The following TSLP variants were observed in gnomAD, a reference collection of about 807,000 sequenced individuals.
TSLP encodes the protein thymic stroma-derived lymphopoietin.
In TSLP, 12 loss-of-function variants were observed where a neutral mutation model predicts 12.4. The observed-to-expected ratio is 0.97, with a 90% confidence interval of 0.62 to 1.57. The LOEUF is 1.57. TSLP is among the 40% of genes most tolerant of loss of function. The probability of loss-of-function intolerance (pLI) is 0.00; values close to 1 mark genes in which losing one functional copy is unlikely to be tolerated. For synonymous variants in TSLP, 97 were observed against 69.5 expected (o/e 1.40, Z -1.97); for missense variants, 222 against 189.6 (o/e 1.17, Z -1.00).
Position 111,071,802 on chromosome 5 carries a change from A to G in TSLP, c.-89A>G, listed in dbSNP as rs984184542. The G allele has an allele frequency of 6.7e-7, 1 of 1,486,832 alleles. No individual in the cohort carries two copies. The highest frequency in any genetic ancestry group is 1.9e-5 in the Admixed American group (1 of 51,704). 92.1% of individuals were successfully genotyped at this position (1,486,832 alleles called of 1,614,324 possible). On this transcript the variant is annotated 5_prime_UTR_variant, in exon 1 of 4. Coordinates refer to ENST00000344895, the MANE Select transcript of TSLP (RefSeq NM_033035.5). ...GAGAGGCAAAACCTGGTGCTTGAGC[A>G]CTGGCCCCTAAGGCAGGCCTTACAG...
intron 3 of TSLP, 127 bp from the exon 4 acceptor site, chr5:111,075,819 T>C: frequency 3.1e-6 from 3 of 952,472 alleles, no homozygotes; most frequent in Non-Finnish European, 4.7e-6. Flanking sequence ...TGCTAGCACA[T>C]AGTAAGCAGG....
chr5:111,074,845 C>T (rs1258065959), intron 3 of TSLP, among the ~76,000 whole-genome samples: 2 of 151,958 alleles, frequency 1.3e-5, no homozygotes, highest in East Asian at 3.9e-4. Flanking sequence ...GTCTCGAATT[C>T]CTGACCTTGT....
Position 111,072,883 on chromosome 5 carries a change from T to G in TSLP, c.172-5T>G. 2 of 1,614,166 alleles carry G rather than the reference T, an allele frequency of 1.2e-6. No individual in the cohort carries two copies. The highest frequency in any genetic ancestry group is 2.2e-5 in the South Asian group (2 of 91,080). ...CCCTCTTTGTCCTATTTTTCTTTCTTCCAGACCAAAAGTACCGAGTTCAAC... is the reference window on the plus strand; with the variant it reads ...CCCTCTTTGTCCTATTTTTCTTTCTGCCAGACCAAAAGTACCGAGTTCAAC... On this transcript the variant is annotated splice_region_variant and splice_polypyrimidine_tract_variant and intron_variant, in intron 1 of 3. Transcript: ENST00000344895.
chr5:111,073,282 T>G, intron 2 of TSLP: 1 of 1,418,588 alleles, frequency 7.0e-7, no homozygotes, highest in Non-Finnish European at 9.2e-7. Context: ...CGAGCGTGGG[T>G]GACAGTCTTT....
At position 111,077,933 on chromosome 5, in the gene TSLP, T is replaced by C. The variant is rs548019922; in HGVS notation, c.*1859T>C. The stretch of plus-strand genomic sequence containing the variant: ...TGTGGATCATACATCTCTGGTTTTT[T>C]AAATGTATTGAGGCTTTCTTGGTGG... On this transcript the variant is annotated 3_prime_UTR_variant, in exon 4 of 4. Transcript: ENST00000344895. The C allele has an allele frequency of 6.5e-6, 1 of 152,720 alleles. No homozygotes were observed. Among genetic ancestry groups the C allele is most frequent in the South Asian group, 2.1e-4 (1 of 4,816 alleles). 9.5% of individuals were successfully genotyped at this position (152,720 alleles called of 1,614,324 possible).
At chr5:111,071,685 A>T, upstream of TSLP, 1 of 1,277,122 alleles carries the variant, frequency 7.8e-7, no homozygotes, top group Non-Finnish European at 1.1e-6. Flanking sequence ...TTTAGGTGTT[A>T]TATAGTGCAG....
chr5:111,075,191 G>A (rs1438148976), intron 3 of TSLP, among the ~76,000 whole-genome samples: 2 of 152,188 alleles, frequency 1.3e-5, no homozygotes, highest in Non-Finnish European at 2.9e-5. Flanking sequence ...CAAATGGAGA[G>A]TCTAAGACTA....
upstream of TSLP, chr5:111,070,237 G>A (rs1329228501): frequency 2.0e-5 from 3 of 152,576 alleles, no homozygotes; most frequent in Non-Finnish European, 4.4e-5. Context: ...GCTCCAGTTT[G>A]TCCCCTACTC....
chr5:111,075,641 T>G (rs966208388), intron 3 of TSLP, among the ~76,000 whole-genome samples: 2 of 152,190 alleles, frequency 1.3e-5, no homozygotes, highest in Non-Finnish European at 2.9e-5. Flanking sequence ...AAGAAAAGCA[T>G]GTTAAGTGAG....
chr5:111,073,039 G>C, intron 2 of TSLP, 107 bp downstream of exon 2: 1 of 1,353,506 alleles, frequency 7.4e-7, no homozygotes, highest in Non-Finnish European at 1.0e-6. Context: ...CTGGGCTCCG[G>C]GACGCCGCCG....
At chr5:111,075,823 A>G in intron 3 of TSLP, 123 bp from the exon 4 acceptor site, 2 of 973,888 alleles carry the variant, frequency 2.1e-6, no homozygotes, top group Non-Finnish European at 3.1e-6. Context: ...AGCACATAGT[A>G]AGCAGGTGCT....
chr5:111,072,843 A>G, intron 1 of TSLP, 45 bp from the exon 2 acceptor site: 2 of 1,600,540 alleles, frequency 1.2e-6, no homozygotes, highest in Non-Finnish European at 8.6e-7. Flanking sequence ...TTCCTTGTGG[A>G]CTTAAAAGTC....
chr5:111,076,106 C>A lies in TSLP; in HGVS notation c.*32C>A. 1.9e-6 allele frequency: 3 copies of A among 1,609,874 alleles called. No individual in the cohort carries two copies. Among genetic ancestry groups the A allele is most frequent in the Non-Finnish European group, 2.5e-6 (3 of 1,178,182 alleles). On this transcript the variant is annotated 3_prime_UTR_variant, in exon 4 of 4. Transcript: ENST00000344895. ...TTTATTATGGTCATATTTCACAGCA[C>A]CAAAATAAATCATCTTTATTAAGTA...
In TSLP at chr5:111,073,584, T is replaced by G; in HGVS notation, c.290T>G (p.Met97Arg). 6.2e-7 allele frequency: 1 copy of G among 1,614,144 alleles called. No homozygotes were observed. The highest frequency in any genetic ancestry group is 8.5e-7 in the Non-Finnish European group (1 of 1,180,026). ...GGCTGCGCGTCGCTCGCCAAAGAAA[T>G]GTTCGCCATGAAAACTAAGGCTGCC... ...TAGCASLAKEMFAMKTKAALA... is the reference protein window; with the variant it reads ...TAGCASLAKERFAMKTKAALA... Residue 97 changes from methionine to arginine, a missense_variant, in exon 3 of 4, where the codon ATG becomes AGG. Transcript: ENST00000344895.
rs1190085919 is a variant in TSLP, at chr5:111,073,663, G to C, written c.351+18G>C. 6.2e-7 allele frequency: 1 copy of C among 1,613,504 alleles called. No individual in the cohort carries two copies. Among genetic ancestry groups the C allele is most frequent in the Non-Finnish European group, 8.5e-7 (1 of 1,179,630 alleles). Reference sequence around the variant, plus strand: ...AAACTCAGGTAAGCCCGAAGCCTCAGACGTTTGCTGTACCTTGGGGCTAAC... The same window carrying C: ...AAACTCAGGTAAGCCCGAAGCCTCACACGTTTGCTGTACCTTGGGGCTAAC... On this transcript the variant is annotated intron_variant, in intron 3 of 3. Coordinates refer to ENST00000344895, the MANE Select transcript of TSLP (RefSeq NM_033035.5).
At chr5:111,073,731 T>C in intron 3 of TSLP, 86 bp downstream of exon 3, 7 of 1,444,238 alleles carry the variant, frequency 4.8e-6, no homozygotes, top group Non-Finnish European at 6.6e-6. Context: ...CGTTCTCTTA[T>C]TTTTATTTAG....
chr5:111,071,887 A>C lies in TSLP; in HGVS notation c.-4A>C. On this transcript the variant is annotated 5_prime_UTR_variant, in exon 1 of 4. Transcript: ENST00000344895. The stretch of plus-strand genomic sequence containing the variant: ...GAAACTGGGGTGGAATTGGGTGTCC[A>C]CGTATGTTCCCTTTTGCCTTACTAT... 1 of 1,613,244 alleles carries C rather than the reference A, an allele frequency of 6.2e-7. No homozygotes were observed. The highest frequency in any genetic ancestry group is 8.5e-7 in the Non-Finnish European group (1 of 1,179,224).
In TSLP at chr5:111,076,601, T is replaced by C. The variant is rs1752513428; in HGVS notation, c.*527T>C. 1 of 154,090 alleles carries C rather than the reference T, an allele frequency of 6.5e-6. No homozygotes were observed. The highest frequency in any genetic ancestry group is 2.4e-5 in the African/African-American group (1 of 41,472). 9.5% of individuals were successfully genotyped at this position (154,090 alleles called of 1,614,324 possible). On this transcript the variant is annotated 3_prime_UTR_variant, in exon 4 of 4. Coordinates refer to ENST00000344895, the MANE Select transcript of TSLP (RefSeq NM_033035.5). ...TATTGTGAAAGTATTCTAAGCCAAG[T>C]TTTAAATATTATCTAACAGACAAGA...
At chr5:111,071,425 C>T (rs532709499), upstream of TSLP, 241 of 1,510,158 alleles carry the variant, frequency 1.6e-4, no homozygotes, top group South Asian at 3.7e-4. Context: ...GGATTGGTCA[C>T]GGAAATGCCC....
Sources: gnomAD v4.1 joint callset for allele counts (sites outside exome capture counted in the v4.1 genomes callset) on GRCh38, gnomAD v4.1.1 for gene constraint, MANE v1.5 for transcripts, NCBI Gene and HGNC (gene_info 2026-07-23, HGNC 2026-07-21) for gene names.